Variants in AFG2A observed in about 807,000 individuals in gnomAD.
AFG2A encodes the protein ATPase family gene 2 protein homolog A.
chr4:123,100,304 T>G, the AFG2A span, among the ~76,000 whole-genome samples: 1 of 151,926 alleles, frequency 6.6e-6, no homozygotes, highest in Non-Finnish European at 1.5e-5. Flanking sequence ...CCTCTATACC[T>G]CTACCTGATT....
At chr4:123,202,310 A>G in the AFG2A span, among the ~76,000 whole-genome samples, 1 of 152,166 alleles carries the variant, frequency 6.6e-6, no homozygotes. Context: ...TAATATGTGC[A>G]TATTTATTTA....
chr4:122,927,641 C>G, the AFG2A span: 1 of 1,606,370 alleles, frequency 6.2e-7, no homozygotes, highest in Non-Finnish European at 8.5e-7. Context: ...TAGTAGATGA[C>G]AAAATTCCTA....
At chr4:123,148,728 C>A in the AFG2A span, among the ~76,000 whole-genome samples, 4 of 151,202 alleles carry the variant, frequency 2.6e-5, no homozygotes, top group African/African-American at 9.7e-5. Flanking sequence ...AAATTTGCAA[C>A]ATGATAGAAT....
the AFG2A span, among the ~76,000 whole-genome samples, chr4:123,022,275 C>T: frequency 6.6e-4 from 100 of 152,040 alleles, 1 homozygote; most frequent in African/African-American, 2.1e-3. Context: ...AGAAAATTTT[C>T]GCAACCTACT....
chr4:123,052,861 G>A, the AFG2A span, among the ~76,000 whole-genome samples: 2 of 152,202 alleles, frequency 1.3e-5, no homozygotes, highest in African/African-American at 4.8e-5. Context: ...TAGGGAAGCT[G>A]ACAGTGTAGC....
the AFG2A span, among the ~76,000 whole-genome samples, chr4:123,059,910 G>A: frequency 2.6e-5 from 4 of 152,128 alleles, no homozygotes; most frequent in Non-Finnish European, 5.9e-5. Flanking sequence ...GCCAGTGATG[G>A]TGAGCATTTT....
At chr4:123,173,353 T>G in the AFG2A span, among the ~76,000 whole-genome samples, 397 of 111,086 alleles carry the variant, frequency 3.6e-3, no homozygotes, top group African/African-American at 0.013. Flanking sequence ...TTTTTTTTTT[T>G]TTTTTTTTTT....
chr4:123,157,299 C>T, the AFG2A span, among the ~76,000 whole-genome samples: 1 of 152,082 alleles, frequency 6.6e-6, no homozygotes, highest in Non-Finnish European at 1.5e-5. Flanking sequence ...GCTGGGATTA[C>T]TGGTGTGAGC....
chr4:122,992,337 A>T, the AFG2A span, among the ~76,000 whole-genome samples: 414 of 152,306 alleles, frequency 2.7e-3, 4 homozygotes, highest in African/African-American at 9.4e-3. Context: ...GATGTTACTC[A>T]TGAGCTCTGG....
the AFG2A span, among the ~76,000 whole-genome samples, chr4:123,131,436 C>T: frequency 6.6e-6 from 1 of 152,062 alleles, no homozygotes; most frequent in African/African-American, 2.4e-5. Context: ...CACATTGTTG[C>T]ACAGCCTCCA....
At chr4:122,973,492 G>A in the AFG2A span, among the ~76,000 whole-genome samples, 1 of 150,766 alleles carries the variant, frequency 6.6e-6, no homozygotes, top group Admixed American at 6.6e-5. Flanking sequence ...TTTTGGAATA[G>A]GCAAGTATTT....
the AFG2A span, among the ~76,000 whole-genome samples, chr4:123,003,501 G>C: frequency 3.3e-5 from 5 of 152,174 alleles, no homozygotes; most frequent in Admixed American, 2.0e-4. Flanking sequence ...TGTCCTTTCT[G>C]TTTGTTAGTT....
the AFG2A span, among the ~76,000 whole-genome samples, chr4:123,134,813 C>T: frequency 1.3e-5 from 2 of 152,058 alleles, no homozygotes; most frequent in African/African-American, 2.4e-5. Flanking sequence ...GACTTTATGG[C>T]TGAATTCTAC....
chr4:123,077,250 T>C, the AFG2A span, among the ~76,000 whole-genome samples: 5 of 152,050 alleles, frequency 3.3e-5, no homozygotes, highest in African/African-American at 7.2e-5. Context: ...GGTTTCACCA[T>C]GTTGGCCAGG....
the AFG2A span, among the ~76,000 whole-genome samples, chr4:123,312,123 A>C: frequency 2.6e-5 from 4 of 152,348 alleles, no homozygotes; most frequent in East Asian, 7.7e-4. Flanking sequence ...CCTATTAGCA[A>C]GATCACTGCA....
At chr4:122,967,068 A>G in the AFG2A span, among the ~76,000 whole-genome samples, 2 of 152,222 alleles carry the variant, frequency 1.3e-5, no homozygotes, top group African/African-American at 4.8e-5. Context: ...CAAGAAATAC[A>G]AGAACAGGGG....
chr4:122,953,413 G>A, the AFG2A span, among the ~76,000 whole-genome samples: 2 of 152,200 alleles, frequency 1.3e-5, no homozygotes, highest in Non-Finnish European at 2.9e-5. Context: ...ATATGAAAGT[G>A]CATTTGGCTC....
chr4:122,988,051 A>G, the AFG2A span, among the ~76,000 whole-genome samples: 1 of 125,064 alleles, frequency 8.0e-6, no homozygotes, highest in Non-Finnish European at 1.7e-5. Context: ...CTGGTATAGT[A>G]TTCTTTGTTG....
the AFG2A span, among the ~76,000 whole-genome samples, chr4:123,304,585 G>C: frequency 6.6e-6 from 1 of 152,320 alleles, no homozygotes; most frequent in South Asian, 2.1e-4. Context: ...AGGTGTTCCA[G>C]ACAGAAGATG....
Sources: gnomAD v4.1 joint callset for allele counts (sites outside exome capture counted in the v4.1 genomes callset) on GRCh38, gnomAD v4.1.1 for gene constraint, MANE v1.5 for transcripts, NCBI Gene and HGNC (gene_info 2026-07-23, HGNC 2026-07-21) for gene names.